The following VPS13B variants were observed in gnomAD, a reference collection of about 807,000 sequenced individuals.
VPS13B encodes vacuolar protein sorting 13 homolog B.
Under a neutral mutation model 426.4 loss-of-function variants are expected in VPS13B, and 285 were observed. That is an observed-to-expected ratio of 0.67 (90% CI 0.61 to 0.74). The LOEUF is 0.74. Among genes scored for constraint, VPS13B ranks in the 30% least tolerant of loss-of-function variants. VPS13B has a pLI of 0.00. For synonymous variants in VPS13B, 1,676 were observed against 1,676.4 expected (o/e 1.00, Z 0.01); for missense variants, 4,537 against 4,782.6 (o/e 0.95, Z 1.51).
chr8:99,155,973 C>G (rs1032400657), intron 14 of VPS13B, among the ~76,000 whole-genome samples: 1 of 152,138 alleles, frequency 6.6e-6, no homozygotes, highest in African/African-American at 2.4e-5. Context: ...TTTGAAAGCT[C>G]AGAAAGATTC....
chr8:99,352,129 C>G (rs1811926253), intron 19 of VPS13B, among the ~76,000 whole-genome samples: 1 of 152,138 alleles, frequency 6.6e-6, no homozygotes, highest in Non-Finnish European at 1.5e-5. Context: ...TCATAGCATT[C>G]CAACATTTAT....
At chr8:99,019,475 C>T (rs1020658588) in intron 2 of VPS13B, among the ~76,000 whole-genome samples, 2 of 152,108 alleles carry the variant, frequency 1.3e-5, no homozygotes, top group African/African-American at 4.8e-5. Context: ...GCTGGGCTTA[C>T]AAGCATGAGC....
chr8:99,371,479 G>C (rs1299334862), intron 19 of VPS13B, among the ~76,000 whole-genome samples: 2 of 152,174 alleles, frequency 1.3e-5, no homozygotes, highest in Non-Finnish European at 2.9e-5. Context: ...GGCTGTTTTG[G>C]TTACTGTAGC....
At chr8:99,436,603 C>T (rs1483362123) in intron 22 of VPS13B, among the ~76,000 whole-genome samples, 3 of 152,096 alleles carry the variant, frequency 2.0e-5, no homozygotes, top group Non-Finnish European at 2.9e-5. Flanking sequence ...TCACCCTAGT[C>T]CTGGCCCTGT....
chr8:99,621,051 G>C (rs1219801109), intron 33 of VPS13B, among the ~76,000 whole-genome samples: 4 of 148,028 alleles, frequency 2.7e-5, no homozygotes, highest in Non-Finnish European at 6.0e-5. Flanking sequence ...AGAAAAACTA[G>C]AGGATCTTCA....
chr8:99,206,644 A>G (rs2132778385), intron 17 of VPS13B, among the ~76,000 whole-genome samples: 1 of 152,322 alleles, frequency 6.6e-6, no homozygotes, highest in African/African-American at 2.4e-5. Flanking sequence ...GAAGAGGGGA[A>G]GAAAATGTAC....
intron 17 of VPS13B, among the ~76,000 whole-genome samples, chr8:99,238,708 A>C (rs1450355686): frequency 6.6e-6 from 1 of 152,156 alleles, no homozygotes; most frequent in African/African-American, 2.4e-5. Flanking sequence ...TAAGAGAAAA[A>C]CTGTGTCTTG....
intron 21 of VPS13B, among the ~76,000 whole-genome samples, chr8:99,393,715 A>G (rs904501581): frequency 3.9e-5 from 6 of 152,084 alleles, no homozygotes; most frequent in African/African-American, 1.4e-4. Flanking sequence ...TGAGTATAAC[A>G]TTTATTGTTT....
chr8:99,648,678 A>G (rs1829689881), intron 34 of VPS13B, among the ~76,000 whole-genome samples: 1 of 152,186 alleles, frequency 6.6e-6, no homozygotes, highest in African/African-American at 2.4e-5. Flanking sequence ...TTCCATTTAT[A>G]ATTGTCATAA....
chr8:99,035,024 A>G (rs1842680944), intron 2 of VPS13B, among the ~76,000 whole-genome samples: 1 of 152,132 alleles, frequency 6.6e-6, no homozygotes, highest in South Asian at 2.1e-4. Context: ...AGTGAGACTC[A>G]TCTGTGCCAA....
chr8:99,773,925 TAA>T (rs879809561), intron 40 of VPS13B, among the ~76,000 whole-genome samples: 4 of 152,220 alleles, frequency 2.6e-5, no homozygotes, highest in Non-Finnish European at 5.9e-5. Context: ...TGAATCAGAT[TAA>T]AATCCACTGT....
chr8:99,049,690 G>A (rs1302524997), intron 3 of VPS13B, among the ~76,000 whole-genome samples: 1 of 152,078 alleles, frequency 6.6e-6, no homozygotes, highest in East Asian at 1.9e-4. Flanking sequence ...TGTTCTTTGA[G>A]CTTCTTGTCT....
chr8:99,428,371 T>G (rs1053967184), intron 21 of VPS13B, among the ~76,000 whole-genome samples: 1 of 151,752 alleles, frequency 6.6e-6, no homozygotes, highest in Admixed American at 6.6e-5. Flanking sequence ...TGGAAGAAAA[T>G]TTTTGCAATC....
At position 99,821,281 on chromosome 8, in the gene VPS13B, A is replaced by C. The variant is rs775546757; in HGVS notation, c.8995-13A>C. ...AAGAAAATTACTTTATAATTGAGGC[A>C]TTATTTTTCCAGGAAGCTTTTCAAA... On this transcript the variant is annotated splice_polypyrimidine_tract_variant and intron_variant, in intron 49 of 61. Coordinates refer to ENST00000357162, the MANE Select transcript of VPS13B (RefSeq NM_152564.5). 4 of 1,613,250 alleles carry C rather than the reference A, an allele frequency of 2.5e-6. No individual in the cohort carries two copies. Among genetic ancestry groups the C allele is most frequent in the East Asian group, 2.2e-5 (1 of 44,786 alleles).
intron 17 of VPS13B, chr8:99,241,343 T>C (rs1816925740): frequency 6.6e-6 from 1 of 152,224 alleles, no homozygotes; most frequent in Non-Finnish European, 1.5e-5. Flanking sequence ...GTTATGACTA[T>C]ATCATTAGAT....
rs77732757 is a variant in VPS13B at position 99,143,340 on chromosome 8, G to T, written c.1843+175G>T. 0.049 allele frequency among the ~76,000 whole-genome samples: 7,476 copies of T among 152,272 alleles called. 205 individuals are homozygous for T. Among genetic ancestry groups the T allele is most frequent in the African/African-American group, 0.071 (2,946 of 41,536 alleles). On this transcript the variant is annotated intron_variant, in intron 13 of 61. Coordinates refer to ENST00000357162, the MANE Select transcript of VPS13B (RefSeq NM_152564.5). Reference sequence around the variant, plus strand: ...TAAACTTGTGTGTAGAAGTTGGAGAGATCAAGATTTGAAAATTATTGCACA... The same window carrying T: ...TAAACTTGTGTGTAGAAGTTGGAGATATCAAGATTTGAAAATTATTGCACA...
At chr8:99,527,844 G>A (rs1248169883) in intron 30 of VPS13B, 1 of 151,970 alleles carries the variant, frequency 6.6e-6, no homozygotes, top group Non-Finnish European at 1.5e-5. Context: ...CAAGTGAAGT[G>A]ATGTTTACAA....
At chr8:99,808,977 C>G (rs1479787173) in intron 43 of VPS13B, among the ~76,000 whole-genome samples, 6 of 151,690 alleles carry the variant, frequency 4.0e-5, no homozygotes, top group Non-Finnish European at 2.9e-5. Context: ...AAAAAACCCA[C>G]AAACCAAATT....
At chr8:99,451,821 T>A (rs968208403) in intron 23 of VPS13B, among the ~76,000 whole-genome samples, 2 of 152,226 alleles carry the variant, frequency 1.3e-5, no homozygotes, top group African/African-American at 4.8e-5. Context: ...GAAGATGTCC[T>A]ACCATAGGGA....
Sources: gnomAD v4.1 joint callset for allele counts (sites outside exome capture counted in the v4.1 genomes callset) on GRCh38, gnomAD v4.1.1 for gene constraint, MANE v1.5 for transcripts, NCBI Gene and HGNC (gene_info 2026-07-23, HGNC 2026-07-21) for gene names.